Variants in NALF1 observed in about 807,000 individuals in gnomAD.
NALF1 encodes family with sequence similarity 155 member A.
A neutral mutation model predicts 48.4 loss-of-function variants in NALF1; 3 were observed. That is an observed-to-expected ratio of 0.06 (90% CI 0.03 to 0.16). NALF1 has a LOEUF of 0.16. Among genes scored for constraint, NALF1 ranks in the 10% least tolerant of loss-of-function variants. The pLI, the probability that NALF1 is intolerant of heterozygous loss-of-function variation, is 1.00. For missense variants in NALF1, 526 were observed against 571.5 expected (o/e 0.92, Z 0.81); for synonymous variants, 262 against 245.7 (o/e 1.07, Z -0.62).
intron 1 of NALF1, among the ~76,000 whole-genome samples, chr13:107,260,127 A>G (rs1358909029): frequency 6.6e-6 from 1 of 152,250 alleles, no homozygotes; most frequent in Non-Finnish European, 1.5e-5. Flanking sequence ...ATAGGAGTAG[A>G]AGTTAAAATG....
chr13:107,353,804 T>C (rs1196858950), intron 1 of NALF1, among the ~76,000 whole-genome samples: 1 of 152,204 alleles, frequency 6.6e-6, no homozygotes, highest in African/African-American at 2.4e-5. Flanking sequence ...CTCTGCTAGA[T>C]TTAACCAGGG....
chr13:107,775,299 T>C (rs1396406176), intron 1 of NALF1, among the ~76,000 whole-genome samples: 1 of 147,768 alleles, frequency 6.8e-6, no homozygotes, highest in Non-Finnish European at 1.5e-5. Context: ...AGTGAGAATA[T>C]GCGGTGTTTG....
chr13:107,679,774 T>C (rs1241088624), intron 1 of NALF1, among the ~76,000 whole-genome samples: 1 of 152,206 alleles, frequency 6.6e-6, no homozygotes, highest in African/African-American at 2.4e-5. Context: ...AAGATGGATC[T>C]TTCCATGGAA....
intron 1 of NALF1, among the ~76,000 whole-genome samples, chr13:107,402,323 G>T (rs1279535648): frequency 6.6e-6 from 1 of 152,154 alleles, no homozygotes; most frequent in Non-Finnish European, 1.5e-5. Flanking sequence ...CCAAAATCCT[G>T]CTAGCAACCA....
rs1391352124 is a variant in NALF1, at chr13:107,379,766, G to A, written c.916-169011C>T. ...CCTGATCGCTTCTTATTCCACACCTGCTCAGAACTAATTAAACTTCAGACA... is the reference window on the plus strand; with the variant it reads ...CCTGATCGCTTCTTATTCCACACCTACTCAGAACTAATTAAACTTCAGACA... On this transcript the variant is annotated intron_variant, in intron 1 of 2. Coordinates refer to ENST00000375915, the MANE Select transcript of NALF1 (RefSeq NM_001080396.3). Among the ~76,000 whole-genome samples, 5 of 152,130 alleles carry A rather than the reference G, an allele frequency of 3.3e-5. No homozygotes were observed. In the East Asian group the frequency reaches 9.6e-4, roughly 29 times the overall value.
At chr13:107,716,895 C>T (rs774500463) in intron 1 of NALF1, among the ~76,000 whole-genome samples, 15 of 152,112 alleles carry the variant, frequency 9.9e-5, no homozygotes, top group Admixed American at 6.5e-4. Flanking sequence ...GCGGGGTTTC[C>T]GTAAAGAGAA....
chr13:107,518,436 T>C (rs993656039), intron 1 of NALF1, among the ~76,000 whole-genome samples: 5 of 152,084 alleles, frequency 3.3e-5, no homozygotes, highest in African/African-American at 1.2e-4. Flanking sequence ...ATTTGACTAA[T>C]ACATGTACTT....
chr13:107,260,090 T>G (rs1231392194), intron 1 of NALF1, among the ~76,000 whole-genome samples: 2 of 152,372 alleles, frequency 1.3e-5, no homozygotes, highest in East Asian at 1.9e-4. Context: ...TCTGGGTCTT[T>G]GTACTGCATC....
intron 1 of NALF1, among the ~76,000 whole-genome samples, chr13:107,485,398 A>G (rs891314133): frequency 2.6e-5 from 4 of 152,132 alleles, no homozygotes; most frequent in Non-Finnish European, 5.9e-5. Context: ...GACTTATGCA[A>G]TGACATCAGT....
At chr13:107,736,213 ACACACACACACGCG>A (rs1253718608) in intron 1 of NALF1, among the ~76,000 whole-genome samples, 39 of 6,214 alleles carry the variant, frequency 6.3e-3, no homozygotes, top group East Asian at 0.056. Context: ...ACACACACAC[ACACACACACACGCG>A]CGCGTGTACC....
At chr13:107,606,135 C>A (rs1411813742) in intron 1 of NALF1, among the ~76,000 whole-genome samples, 1 of 152,086 alleles carries the variant, frequency 6.6e-6, no homozygotes, top group Non-Finnish European at 1.5e-5. Context: ...GAGCATTTTA[C>A]AATCCTTGTT....
At chr13:107,483,640 C>T (rs1885286141) in intron 1 of NALF1, among the ~76,000 whole-genome samples, 2 of 151,964 alleles carry the variant, frequency 1.3e-5, no homozygotes, top group South Asian at 4.1e-4. Context: ...AATTTTGGTT[C>T]TAAGAGCTTT....
intron 1 of NALF1, among the ~76,000 whole-genome samples, chr13:107,824,738 G>C (rs1227762531): frequency 1.3e-5 from 2 of 152,230 alleles, no homozygotes; most frequent in South Asian, 4.1e-4. Context: ...AGCCAGAACT[G>C]CAAGTGCAGC....
chr13:107,581,635 C>T (rs954872987), intron 1 of NALF1, among the ~76,000 whole-genome samples: 3 of 152,080 alleles, frequency 2.0e-5, no homozygotes, highest in Non-Finnish European at 4.4e-5. Context: ...TTTAATAAAA[C>T]AAAATGAGTG....
chr13:107,773,382 A>G (rs974004291), intron 1 of NALF1, among the ~76,000 whole-genome samples: 3 of 152,152 alleles, frequency 2.0e-5, no homozygotes, highest in African/African-American at 4.8e-5. Flanking sequence ...AGAAAAGACT[A>G]ATGTCTTTGT....
intron 1 of NALF1, among the ~76,000 whole-genome samples, chr13:107,615,706 T>C (rs571833906): frequency 1.3e-5 from 2 of 152,336 alleles, no homozygotes; most frequent in South Asian, 2.1e-4. Flanking sequence ...TACTAGTCAT[T>C]TGATGCTTAG....
At chr13:107,709,065 A>G (rs1204304177) in intron 1 of NALF1, among the ~76,000 whole-genome samples, 1 of 152,242 alleles carries the variant, frequency 6.6e-6, no homozygotes, top group Non-Finnish European at 1.5e-5. Context: ...TAAAGTAAAA[A>G]ATAAAGAAAA....
intron 1 of NALF1, among the ~76,000 whole-genome samples, chr13:107,570,755 A>C (rs1052185479): frequency 2.0e-5 from 3 of 151,926 alleles, no homozygotes; most frequent in Non-Finnish European, 4.4e-5. Flanking sequence ...CACAGAGGAA[A>C]TATTGTGTAG....
At chr13:107,404,186 C>T (rs1471273360) in intron 1 of NALF1, among the ~76,000 whole-genome samples, 1 of 152,018 alleles carries the variant, frequency 6.6e-6, no homozygotes, top group African/African-American at 2.4e-5. Context: ...GGTAGGTTTT[C>T]TTTTTGACTA....
Sources: gnomAD v4.1 joint callset for allele counts (sites outside exome capture counted in the v4.1 genomes callset) on GRCh38, gnomAD v4.1.1 for gene constraint, MANE v1.5 for transcripts, NCBI Gene and HGNC (gene_info 2026-07-23, HGNC 2026-07-21) for gene names.